The following COL16A1 variants were observed in gnomAD, a reference collection of about 807,000 sequenced individuals.
COL16A1 encodes collagen type XVI alpha 1 chain, also known as collagen alpha-1(XVI) chain.
COL16A1 carries 189 observed loss-of-function variants against 266.3 expected under a neutral mutation model. That is an observed-to-expected ratio of 0.71 (90% CI 0.63 to 0.80). The LOEUF (loss-of-function observed/expected upper bound fraction) is 0.80. COL16A1 is among the 30% of genes least tolerant of loss of function. COL16A1 has a pLI of 0.00. For synonymous variants in COL16A1, 740 were observed against 782.3 expected, an observed-to-expected ratio of 0.95 and a Z score of 0.90; for missense variants, 1,928 against 2,122.4, an observed-to-expected ratio of 0.91 and a Z score of 1.80.
intron 44 of COL16A1, among the ~76,000 whole-genome samples, chr1:31,674,583 T>C (rs1278595108): frequency 6.6e-6 from 1 of 152,236 alleles, no homozygotes; most frequent in Non-Finnish European, 1.5e-5. Context: ...TCTTTCTGGA[T>C]TGACTAGAGA....
At chr1:31,690,414 G>C (rs1411908086) in intron 21 of COL16A1, 21 bp from the exon 22 acceptor site, 1 of 1,614,166 alleles carries the variant, frequency 6.2e-7, no homozygotes, top group African/African-American at 1.3e-5. Flanking sequence ...AGAGGCAATG[G>C]GCATCAGTGC....
chr1:31,692,485 T>C lies in COL16A1; in HGVS notation c.1183A>G (p.Thr395Ala), dbSNP rs368930113. The C allele has an allele frequency of 1.9e-6, 3 of 1,613,356 alleles. No homozygotes were observed. Among genetic ancestry groups the C allele is most frequent in the African/African-American group, 2.7e-5 (2 of 74,882 alleles). ...ALGPSGLPGS[T>A]GEKGQKGEKG... The stretch of plus-strand genomic sequence containing the variant: ...TCCAGGCTTGTTACCTTCTCGCCTG[T>C]TGAGCCTGGGAGTCCTGAGGGTCCC... Residue 395 changes from threonine (T) to alanine (A), a missense_variant, in exon 16 of 71, where the codon ACA becomes GCA. Physicochemically the swap from Thr to Ala is moderately conservative, Grantham distance 58 (BLOSUM62 0). Coordinates refer to ENST00000373672, the MANE Select transcript of COL16A1 (RefSeq NM_001856.4).
chr1:31,699,892 A>G lies in COL16A1; in HGVS notation c.187T>C (p.Ser63Pro). The G allele has an allele frequency of 6.2e-7, 1 of 1,614,020 alleles. No individual in the cohort carries two copies. Among genetic ancestry groups the G allele is most frequent in the African/African-American group, 1.3e-5 (1 of 75,018 alleles). Residue 63 changes from serine (S) to proline (P), a missense_variant, in exon 4 of 71, where the codon TCT becomes CCT. By Grantham distance (74) the Ser-to-Pro change is moderately conservative. Transcript: ENST00000373672. ...GGGTTGCGGATCTTCTTGATGGCAGACGTCTTCATGAGGCTGAGTCGGTGG... is the reference window on the plus strand; with the variant it reads ...GGGTTGCGGATCTTCTTGATGGCAGGCGTCTTCATGAGGCTGAGTCGGTGG... ...LIHRLSLMKT[S>P]AIKKIRNPKG...
At position 31,656,942 on chromosome 1, in the gene COL16A1, A is replaced by C. The variant is rs980272919; in HGVS notation, c.4056+91T>G. ...CCAGAGACAGCCCGTACATAGAAGGAATGTTTACTGAAAAAAATGAAGAGG... is the reference window on the plus strand; with the variant it reads ...CCAGAGACAGCCCGTACATAGAAGGCATGTTTACTGAAAAAAATGAAGAGG... On this transcript the variant is annotated intron_variant, in intron 65 of 70. Transcript: ENST00000373672. The surrounding 1 kb of genome is among the most constrained non-coding windows in gnomAD (Gnocchi z 4.2). 3 of 1,559,268 alleles carry C rather than the reference A, an allele frequency of 1.9e-6. No individual in the cohort carries two copies. The highest frequency in any genetic ancestry group is 2.7e-6 in the Non-Finnish European group (3 of 1,130,862).
chr1:31,662,534 A>G, intron 57 of COL16A1, 53 bp downstream of exon 57: 1 of 1,547,598 alleles, frequency 6.5e-7, no homozygotes, highest in East Asian at 2.4e-5. Flanking sequence ...CATGCACCAC[A>G]CACATGCGCA....
At position 31,672,705 on chromosome 1, in the gene COL16A1, C is replaced by A. The variant is rs2148715405; in HGVS notation, c.2976+19G>T. On this transcript the variant is annotated intron_variant, in intron 45 of 70. Coordinates refer to ENST00000373672, the MANE Select transcript of COL16A1 (RefSeq NM_001856.4). ...AGGGAACCCTCCTGCATAGGGCAGCCCCAAGCCCAGTCCCTTACCTGGGCG... is the reference window on the plus strand; with the variant it reads ...AGGGAACCCTCCTGCATAGGGCAGCACCAAGCCCAGTCCCTTACCTGGGCG... 6.2e-7 allele frequency: 1 copy of A among 1,612,834 alleles called. No individual in the cohort carries two copies. The highest frequency in any genetic ancestry group is 2.2e-5 in the East Asian group (1 of 44,880).
At chr1:31,653,137 G>A (rs548223336) in intron 70 of COL16A1, among the ~76,000 whole-genome samples, 1 of 152,314 alleles carries the variant, frequency 6.6e-6, no homozygotes, top group East Asian at 1.9e-4. Flanking sequence ...GTCTAATTTT[G>A]TAGATGAGGA....
rs1434525258 is a variant in COL16A1 at position 31,663,444 on chromosome 1, G to A, written c.3556-786C>T. On this transcript the variant is annotated intron_variant, in intron 56 of 70. Transcript: ENST00000373672. The surrounding 1 kb of genome is among the most constrained non-coding windows in gnomAD (Gnocchi z 4.9). Reference sequence around the variant, plus strand: ...CATGCCTGGCCTGGCCAGGGCATCTGGGGGAGCCTGTGGGATGGGCTGGCA... The same window carrying A: ...CATGCCTGGCCTGGCCAGGGCATCTAGGGGAGCCTGTGGGATGGGCTGGCA... 1 of 152,326 alleles carries A rather than the reference G, an allele frequency of 6.6e-6. No homozygotes were observed. The highest frequency in any genetic ancestry group is 1.5e-5 in the Non-Finnish European group (1 of 68,124). 9.4% of individuals were successfully genotyped at this position (152,326 alleles called of 1,614,324 possible).
chr1:31,689,740 C>A lies in COL16A1; in HGVS notation c.1620+1G>T. 1 of 1,613,628 alleles carries A rather than the reference C, an allele frequency of 6.2e-7. No homozygotes were observed. Among genetic ancestry groups the A allele is most frequent in the South Asian group, 1.1e-5 (1 of 91,068 alleles). On this transcript the variant is annotated splice_donor_variant, in intron 23 of 70. Transcript: ENST00000373672. LOFTEE classifies it high-confidence loss of function. ...CCTCAATGGTCACCCTGGGCACTCA[C>A]CCTGGCTGGTACAGGATCACCAGGC...
chr1:31,684,472 A>C, intron 31 of COL16A1, 51 bp downstream of exon 31: 5 of 1,584,620 alleles, frequency 3.2e-6, no homozygotes, highest in Non-Finnish European at 4.3e-6. Context: ...GCGACACCTG[A>C]TTTTTTTTAT....
chr1:31,684,737 G>A (rs1643887944), intron 30 of COL16A1, 84 bp downstream of exon 30: 5 of 1,610,904 alleles, frequency 3.1e-6, no homozygotes, highest in African/African-American at 2.7e-5. Flanking sequence ...TGAGGGTTGG[G>A]GGCTAGGGAG....
At chr1:31,696,062 GCTC>G in intron 9 of COL16A1, 23 bp downstream of exon 9, 1 of 1,595,858 alleles carries the variant, frequency 6.3e-7, no homozygotes, top group Non-Finnish European at 8.6e-7. Context: ...GGGCAGGTAG[GCTC>G]CTCCCCCCAC....
At position 31,698,316 on chromosome 1, in the gene COL16A1, A is replaced by G; in HGVS notation, c.391-144T>C. On this transcript the variant is annotated intron_variant, in intron 5 of 70. Coordinates refer to ENST00000373672, the MANE Select transcript of COL16A1 (RefSeq NM_001856.4). This position sits in a 1 kb window ranked among gnomAD's most constrained non-coding sequence, Gnocchi z 4.1. ...GAAAGCCGGCTGGGGTCAAGGAGCTATACATCCTGAAAGAATGAGGTAGGT... is the reference window on the plus strand; with the variant it reads ...GAAAGCCGGCTGGGGTCAAGGAGCTGTACATCCTGAAAGAATGAGGTAGGT... The G allele has an allele frequency of 1.3e-6, 2 of 1,533,684 alleles. No individual in the cohort carries two copies. The highest frequency in any genetic ancestry group is 1.8e-6 in the Non-Finnish European group (2 of 1,140,786).
chr1:31,658,978 A>G lies in COL16A1; in HGVS notation c.3880-14T>C. On this transcript the variant is annotated splice_polypyrimidine_tract_variant and intron_variant, in intron 62 of 70. Coordinates refer to ENST00000373672, the MANE Select transcript of COL16A1 (RefSeq NM_001856.4). ...CCCTGGTGGCCCCTAAAGAGAGATGAGTCAGTGGGATAGAAACAGGTTCTA... is the reference window on the plus strand; with the variant it reads ...CCCTGGTGGCCCCTAAAGAGAGATGGGTCAGTGGGATAGAAACAGGTTCTA... 2 of 1,552,674 alleles carry G rather than the reference A, an allele frequency of 1.3e-6. No individual in the cohort carries two copies. Among genetic ancestry groups the G allele is most frequent in the Non-Finnish European group, 1.7e-6 (2 of 1,147,514 alleles).
intron 63 of COL16A1, 97 bp downstream of exon 63, chr1:31,658,817 A>T: frequency 7.1e-7 from 1 of 1,403,392 alleles, no homozygotes; most frequent in African/African-American, 1.4e-5. Flanking sequence ...GGATGAGACA[A>T]ACTGTTCTCC....
chr1:31,695,100 C>T, intron 11 of COL16A1, 86 bp downstream of exon 11: 2 of 1,425,902 alleles, frequency 1.4e-6, no homozygotes, highest in Non-Finnish European at 2.0e-6. Context: ...CCCTTGTCCT[C>T]ACCCAGGAGG....
At chr1:31,662,822 C>T (rs1404720352) in intron 56 of COL16A1, 164 bp from the exon 57 acceptor site, 2 of 669,080 alleles carry the variant, frequency 3.0e-6, no homozygotes, top group Non-Finnish European at 5.0e-6. Flanking sequence ...ATATGTGCCA[C>T]ACGTCGCCTC....
chr1:31,678,187 A>G (rs1462056193), intron 42 of COL16A1, among the ~76,000 whole-genome samples: 1 of 148,080 alleles, frequency 6.8e-6, no homozygotes, highest in East Asian at 2.1e-4. Flanking sequence ...GAGGTGTGCC[A>G]GGGTGGCGGG....
At position 31,657,963 on chromosome 1, in the gene COL16A1, T is replaced by G. The variant is rs1641311148; in HGVS notation, c.4020+525A>C. On this transcript the variant is annotated intron_variant, in intron 64 of 70. Transcript: ENST00000373672. The surrounding 1 kb of genome is among the most constrained non-coding windows in gnomAD (Gnocchi z 6.4). ...AGCCCCCGTTTCCTCATCTGTAAAA[T>G]GGGGACAATCAGATCCACTAAATGG... Among the ~76,000 whole-genome samples the G allele has an allele frequency of 6.6e-6, 1 of 152,082 alleles. No homozygotes were observed. The highest frequency in any genetic ancestry group is 2.4e-5 in the African/African-American group (1 of 41,402).
Sources: allele counts gnomAD v4.1 joint callset (sites outside exome capture counted in the v4.1 genomes callset), GRCh38; gene constraint gnomAD v4.1.1; non-coding constraint Gnocchi (gnomAD v3.1); transcripts MANE v1.5; gene names NCBI Gene and HGNC (gene_info 2026-07-23, HGNC 2026-07-21).